Variants in HHLA1 observed in about 807,000 individuals in gnomAD.
The protein encoded by HHLA1 is HERV-H LTR-associating protein 1.
HHLA1 carries 72 observed loss-of-function variants against 69.9 expected under a neutral mutation model. The ratio of observed to expected loss-of-function variants is 1.03; its 90% confidence interval spans 0.85 to 1.25. HHLA1 has a LOEUF of 1.25. Among genes scored for constraint, HHLA1 ranks in the 50% most tolerant of loss-of-function variants. The pLI is 0.00. For missense variants in HHLA1, 685 were observed against 642.2 expected (o/e 1.07, Z -0.72); for synonymous variants, 252 against 233.2 (o/e 1.08, Z -0.73).
chr8:132,088,729 T>C (rs1447743441), intron 8 of HHLA1, among the ~76,000 whole-genome samples: 1 of 152,230 alleles, frequency 6.6e-6, no homozygotes, highest in Admixed American at 6.5e-5. Context: ...AAGAGCCAGA[T>C]CACCTGGTTT....
intron 15 of HHLA1, 129 bp from the exon 16 acceptor site, chr8:132,066,097 G>A (rs768551471): frequency 1.3e-5 from 5 of 391,716 alleles, no homozygotes; most frequent in African/African-American, 2.1e-5. Flanking sequence ...GGAACCCTCT[G>A]CCCATCTTTA....
At chr8:132,075,960 T>G in intron 14 of HHLA1, 95 bp downstream of exon 14, 1 of 926,636 alleles carries the variant, frequency 1.1e-6, no homozygotes, top group Non-Finnish European at 1.6e-6. Flanking sequence ...GAGTCTGATT[T>G]TCTAAATTTA....
intron 1 of HHLA1, 94 bp from the exon 2 acceptor site, chr8:132,105,380 C>A: frequency 1.2e-6 from 1 of 813,688 alleles, no homozygotes; most frequent in South Asian, 1.5e-5. Flanking sequence ...AAATCACAAT[C>A]TGAAAAAGGC....
chr8:132,107,261 C>T (rs1824216726), intron 1 of HHLA1, among the ~76,000 whole-genome samples: 1 of 152,126 alleles, frequency 6.6e-6, no homozygotes, highest in Admixed American at 6.6e-5. Context: ...TAACCACCCT[C>T]TTCCATTTAC....
At chr8:132,100,192 G>T in intron 3 of HHLA1, 58 bp from the exon 4 acceptor site, 1 of 1,295,976 alleles carries the variant, frequency 7.7e-7, no homozygotes, top group Non-Finnish European at 1.1e-6. Context: ...CTACCCCCAG[G>T]AATGGAAGAA....
chr8:132,101,793 C>G (rs1396225002), intron 3 of HHLA1, among the ~76,000 whole-genome samples: 4 of 152,144 alleles, frequency 2.6e-5, no homozygotes, highest in Non-Finnish European at 5.9e-5. Flanking sequence ...AGGCTGGTCT[C>G]AAACTCCTGA....
rs1823375220 is a variant in HHLA1 at position 132,062,784 on chromosome 8, A to G, written c.*1211T>C. 1 of 152,266 alleles carries G rather than the reference A, an allele frequency of 6.6e-6. No homozygotes were observed. The highest frequency in any genetic ancestry group is 1.5e-5 in the Non-Finnish European group (1 of 68,060). The allele number at this position is 152,266 out of a possible 1,614,324, so 9.4% of individuals were successfully genotyped here. A position where few individuals can be genotyped will look rare whatever the true frequency, so the allele number is the denominator to read the frequency against. ...TTGACTCCACAGACGTACTCCACAG[A>G]TGAGCTCAAATCCTGCACCTTTCAG... On this transcript the variant is annotated 3_prime_UTR_variant, in exon 17 of 17. Transcript: ENST00000414222.
chr8:132,076,419 T>TTA, intron 13 of HHLA1, 56 bp downstream of exon 13: 2 of 596,568 alleles, frequency 3.4e-6, no homozygotes, highest in Non-Finnish European at 6.1e-6. Context: ...TCCCCAAGCT[T>TTA]CCCACCCCTC....
Position 132,065,866 on chromosome 8 carries a change from T to C in HHLA1, c.1552+20A>G, listed in dbSNP as rs1823428701. The C allele has an allele frequency of 2.5e-6, 3 of 1,223,142 alleles. No homozygotes were observed. The highest frequency in any genetic ancestry group is 1.6e-5 in the African/African-American group (1 of 64,284). The allele number at this position is 1,223,142 out of a possible 1,614,324, so 75.8% of individuals were successfully genotyped here. A position where few individuals can be genotyped will look rare whatever the true frequency, so the allele number is the denominator to read the frequency against. On this transcript the variant is annotated intron_variant, in intron 16 of 16. Transcript: ENST00000414222. ...ATGCATTCACTGCAAAGTTACAACA[T>C]AGTCAAGCTGTGTACTTACTGTGCG...
At chr8:132,103,922 T>G (rs919697787) in intron 3 of HHLA1, 186 bp downstream of exon 3, 1 of 554,848 alleles carries the variant, frequency 1.8e-6, no homozygotes, top group African/African-American at 1.9e-5. Context: ...TGTGGATTTA[T>G]TAAGATCACA....
chr8:132,084,859 G>T (rs1360050741), intron 10 of HHLA1, among the ~76,000 whole-genome samples: 1 of 151,992 alleles, frequency 6.6e-6, no homozygotes, highest in Non-Finnish European at 1.5e-5. Flanking sequence ...AGGTTGGGGT[G>T]TGGAAATAAG....
chr8:132,100,379 G>A (rs975463789), intron 3 of HHLA1, among the ~76,000 whole-genome samples: 2 of 152,086 alleles, frequency 1.3e-5, no homozygotes, highest in African/African-American at 4.8e-5. Flanking sequence ...GATACAGGGG[G>A]TCTAATTTAC....
At chr8:132,110,643 C>G (rs1377331612) in intron 1 of HHLA1, among the ~76,000 whole-genome samples, 5 of 152,126 alleles carry the variant, frequency 3.3e-5, no homozygotes, top group Admixed American at 2.0e-4. Flanking sequence ...TCTGGGAGAA[C>G]CAGGATTGGA....
At position 132,101,663 on chromosome 8, in the gene HHLA1, T is replaced by C. The variant is rs147860990; in HGVS notation, c.140-1529A>G. Among the ~76,000 whole-genome samples, 552 of 151,890 alleles carry C rather than the reference T, an allele frequency of 3.6e-3. 3 individuals carry two copies. The highest frequency in any genetic ancestry group is 0.013 in the African/African-American group (533 of 41,372). On this transcript the variant is annotated intron_variant, in intron 3 of 16. Coordinates refer to ENST00000414222, the MANE Select transcript of HHLA1 (RefSeq NM_001145095.3). ...GCGTGATCTCACTGCAACCTCTGTC[T>C]CCTGGGGTCAAGCGATTCTCCTGCC...
intron 5 of HHLA1, among the ~76,000 whole-genome samples, chr8:132,096,302 C>A (rs1161406637): frequency 6.6e-6 from 1 of 152,188 alleles, no homozygotes; most frequent in Non-Finnish European, 1.5e-5. Flanking sequence ...GTCTCCTTTG[C>A]CTCTTTCTTG....
At chr8:132,099,006 G>T in intron 4 of HHLA1, 44 bp from the exon 5 acceptor site, 4 of 1,370,704 alleles carry the variant, frequency 2.9e-6, no homozygotes, top group South Asian at 1.3e-5. Flanking sequence ...GCTTTTCTCG[G>T]CAAGAGAAAA....
At chr8:132,073,498 T>C (rs1015993123) in intron 14 of HHLA1, among the ~76,000 whole-genome samples, 2 of 152,224 alleles carry the variant, frequency 1.3e-5, no homozygotes, top group African/African-American at 4.8e-5. Flanking sequence ...CATTATTTTA[T>C]CTAATTCTCA....
At chr8:132,099,924 A>G in intron 4 of HHLA1, 151 bp downstream of exon 4, 1 of 635,640 alleles carries the variant, frequency 1.6e-6, no homozygotes, top group East Asian at 2.8e-5. Flanking sequence ...TCTTTATTCA[A>G]ACATTGTCTT....
intron 7 of HHLA1, among the ~76,000 whole-genome samples, chr8:132,094,779 G>A (rs1024565756): frequency 2.6e-5 from 4 of 152,184 alleles, no homozygotes; most frequent in Admixed American, 1.3e-4. Flanking sequence ...TCCCACGGGA[G>A]CAGGAGGTGT....
Sources: allele counts gnomAD v4.1 joint callset (sites outside exome capture counted in the v4.1 genomes callset), GRCh38; gene constraint gnomAD v4.1.1; transcripts MANE v1.5; gene names NCBI Gene and HGNC (gene_info 2026-07-23, HGNC 2026-07-21).